SCN4B: variants seen among roughly 807,000 people sequenced by gnomAD.
SCN4B encodes sodium voltage-gated channel beta subunit 4, also known as sodium channel regulatory subunit beta-4.
Under a neutral mutation model 19.6 loss-of-function variants are expected in SCN4B, and 20 were observed. That is an observed-to-expected ratio of 1.02 (90% CI 0.72 to 1.48). SCN4B has a LOEUF of 1.48. Ranked by LOEUF, SCN4B falls within the 40% of genes most tolerant of loss-of-function variation. The pLI, the probability that SCN4B is intolerant of heterozygous loss-of-function variation, is 0.00. For synonymous variants in SCN4B, 127 were observed against 122.8 expected, an observed-to-expected ratio of 1.03 and a Z score of -0.22; for missense variants, 271 against 287.5, an observed-to-expected ratio of 0.94 and a Z score of 0.42.
chr11:118,144,204 C>A, intron 2 of SCN4B, 143 bp from the exon 3 acceptor site: 2 of 651,156 alleles, frequency 3.1e-6, no homozygotes, highest in Non-Finnish European at 2.8e-6. Context: ...CCTGCTCCTT[C>A]CCCCCATGGT....
At chr11:118,142,627 C>T (rs1948113120) in intron 3 of SCN4B, 1 of 152,186 alleles carries the variant, frequency 6.6e-6, no homozygotes, top group Non-Finnish European at 1.5e-5. Context: ...ATCACATCCT[C>T]GGAATCTAGA....
At chr11:118,151,326 C>A (rs991235540) in intron 1 of SCN4B, among the ~76,000 whole-genome samples, 1 of 152,100 alleles carries the variant, frequency 6.6e-6, no homozygotes, top group Non-Finnish European at 1.5e-5. Context: ...GCCATTGCCA[C>A]CATGGGGACC....
Position 118,152,596 on chromosome 11 carries a change from A to T in SCN4B, c.61+17T>A. The T allele has an allele frequency of 1.2e-6, 2 of 1,610,300 alleles. No homozygotes were observed. Among genetic ancestry groups the T allele is most frequent in the Non-Finnish European group, 1.7e-6 (2 of 1,177,286 alleles). ...TGGGGGGAGGCAAGAGAAGAGACCA[A>T]GCTGGGGCTGCCTTACCCAAAAGCC... On this transcript the variant is annotated intron_variant, in intron 1 of 4. Transcript: ENST00000324727.
intron 4 of SCN4B, among the ~76,000 whole-genome samples, chr11:118,138,006 G>A (rs2135498519): frequency 6.6e-6 from 1 of 152,288 alleles, no homozygotes; most frequent in Non-Finnish European, 1.5e-5. Flanking sequence ...CAGGAGGAAG[G>A]AGAGATGGTG....
At chr11:118,150,350 G>T (rs1437446588) in intron 1 of SCN4B, among the ~76,000 whole-genome samples, 1 of 152,112 alleles carries the variant, frequency 6.6e-6, no homozygotes, top group Non-Finnish European at 1.5e-5. Flanking sequence ...TGTGAGACTG[G>T]GTTTGATACG....
chr11:118,150,204 T>G (rs1458862785), intron 1 of SCN4B, among the ~76,000 whole-genome samples: 1 of 152,206 alleles, frequency 6.6e-6, no homozygotes, highest in Non-Finnish European at 1.5e-5. Context: ...AGGACAGAGA[T>G]ATTACCAGTT....
At chr11:118,144,894 A>C (rs1029053360) in intron 2 of SCN4B, among the ~76,000 whole-genome samples, 163 bp downstream of exon 2, 1 of 152,138 alleles carries the variant, frequency 6.6e-6, no homozygotes, top group African/African-American at 2.4e-5. Context: ...TCCCAGTTAC[A>C]TCCTTCCTGG....
Position 118,134,072 on chromosome 11 carries a change from C to A in SCN4B, c.*2955G>T. 2.2e-6 allele frequency: 1 copy of A among 454,494 alleles called. No homozygotes were observed. Among genetic ancestry groups the A allele is most frequent in the Non-Finnish European group, 4.4e-6 (1 of 226,804 alleles). The allele number at this position is 454,494 out of a possible 1,614,324, so 28.2% of individuals were successfully genotyped here. A position where few individuals can be genotyped will look rare whatever the true frequency, so the allele number is the denominator to read the frequency against. On this transcript the variant is annotated 3_prime_UTR_variant, in exon 5 of 5. Transcript: ENST00000324727. ...CCATCTCACAAGCATGCTCTCAAGC[C>A]CTCGCTCCACAAGAGCTCTGATCGG...
In SCN4B at chr11:118,144,020, C is replaced by T; in HGVS notation, c.276G>A (p.Lys92=). Residue 92 remains lysine, a synonymous_variant, in exon 3 of 5, where the codon AAG becomes AAA. Transcript: ENST00000324727. ...GTVKNEKSDP[K]VTLKDDDRIT... ...TGCGGTCATCGTCTTTCAACGTCAC[C>T]TTGGGGTCAGACTTCTCATTCTTCA... 6.2e-7 allele frequency: 1 copy of T among 1,614,106 alleles called. No individual in the cohort carries two copies. The highest frequency in any genetic ancestry group is 2.2e-5 in the East Asian group (1 of 44,892).
intron 4 of SCN4B, among the ~76,000 whole-genome samples, chr11:118,140,404 CAG>C (rs1948079293): frequency 6.6e-6 from 1 of 152,188 alleles, no homozygotes. Context: ...CTCAGCAGAG[CAG>C]AATGTTTCAG....
intron 4 of SCN4B, among the ~76,000 whole-genome samples, chr11:118,138,037 G>A (rs1316166874): frequency 6.6e-6 from 1 of 152,084 alleles, no homozygotes; most frequent in East Asian, 1.9e-4. Context: ...ACACCTCCCG[G>A]GAGGCGTTCC....
At chr11:118,149,481 G>A (rs1435255335) in intron 1 of SCN4B, among the ~76,000 whole-genome samples, 1 of 152,230 alleles carries the variant, frequency 6.6e-6, no homozygotes, top group Non-Finnish European at 1.5e-5. Context: ...TGCAGGCCCT[G>A]GGGGCTTTGG....
intron 4 of SCN4B, among the ~76,000 whole-genome samples, chr11:118,138,347 T>A (rs1354720902): frequency 6.6e-6 from 1 of 152,236 alleles, no homozygotes; most frequent in East Asian, 1.9e-4. Flanking sequence ...AGATCCCTTT[T>A]TCTTCCAACA....
At position 118,144,051 on chromosome 11, in the gene SCN4B, C is replaced by G; in HGVS notation, c.245G>C (p.Gly82Ala). 2 of 1,611,438 alleles carry G rather than the reference C, an allele frequency of 1.2e-6. No homozygotes were observed. The highest frequency in any genetic ancestry group is 1.7e-6 in the Non-Finnish European group (2 of 1,177,658). The change falls in exon 3 of 5, where the codon GGG becomes GCG. Residue 82 changes from glycine (G) to alanine (A), a missense_variant. Coordinates refer to ENST00000324727, the MANE Select transcript of SCN4B (RefSeq NM_174934.4). Reference protein sequence around the residue: ...SSDAFKILIEGTVKNEKSDPK... With the variant: ...SSDAFKILIEATVKNEKSDPK... ...GTCAGACTTCTCATTCTTCACAGTC[C>G]CCTCTATGAGCTGGTGGAGGAAGGG...
At chr11:118,141,448 G>C (rs191729143) in intron 3 of SCN4B, 112 bp from the exon 4 acceptor site, 2 of 1,335,606 alleles carry the variant, frequency 1.5e-6, no homozygotes, top group African/African-American at 2.9e-5. Flanking sequence ...CCTGGCATCC[G>C]GGGCACATCC....
intron 3 of SCN4B, 188 bp from the exon 4 acceptor site, chr11:118,141,524 A>G (rs890249097): frequency 4.5e-6 from 3 of 673,578 alleles, no homozygotes; most frequent in South Asian, 1.7e-5. Flanking sequence ...CATGGCATCT[A>G]TCAGGCTAGG....
At position 118,136,532 on chromosome 11, in the gene SCN4B, GC is replaced by G. The variant is rs1419323548; in HGVS notation, c.*494del. 4.4e-6 allele frequency: 2 copies of G among 453,956 alleles called. No individual in the cohort carries two copies. The highest frequency in any genetic ancestry group is 8.8e-6 in the Non-Finnish European group (2 of 226,826). 28.1% of individuals were successfully genotyped at this position (453,956 alleles called of 1,614,324 possible). On this transcript the variant is annotated 3_prime_UTR_variant, in exon 5 of 5. Coordinates refer to ENST00000324727, the MANE Select transcript of SCN4B (RefSeq NM_174934.4). ...AGAGGCAGTCTCTCACTGTGGGCCT[GC>G]CCCCATCAGCCCCCACCCCAGGTCT...
At chr11:118,144,803 G>A (rs1948147299) in intron 2 of SCN4B, among the ~76,000 whole-genome samples, 1 of 152,134 alleles carries the variant, frequency 6.6e-6, no homozygotes, top group African/African-American at 2.4e-5. Context: ...CAAGCTCCGG[G>A]TGTTTCTTAA....
intron 1 of SCN4B, among the ~76,000 whole-genome samples, chr11:118,151,122 GCACACACACACACA>G (rs3837425): frequency 6.7e-6 from 1 of 149,132 alleles, no homozygotes; most frequent in Non-Finnish European, 1.5e-5. Context: ...TTACACACGT[GCACACACACACACA>G]CACACACACA....
Sources: allele counts gnomAD v4.1 joint callset (sites outside exome capture counted in the v4.1 genomes callset), GRCh38; gene constraint gnomAD v4.1.1; transcripts MANE v1.5; gene names NCBI Gene and HGNC (gene_info 2026-07-23, HGNC 2026-07-21).